The following ATP8A2 variants were observed in gnomAD, a reference collection of about 807,000 sequenced individuals.
ATP8A2 encodes phospholipid-transporting ATPase IB.
A neutral mutation model predicts 165.6 loss-of-function variants in ATP8A2; 100 were observed. The observed-to-expected ratio is 0.60, with a 90% confidence interval of 0.51 to 0.71. The LOEUF (loss-of-function observed/expected upper bound fraction) is 0.71. ATP8A2 is among the 30% of genes least tolerant of loss of function. The probability of loss-of-function intolerance (pLI) is 0.00; values close to 1 mark genes in which losing one functional copy is unlikely to be tolerated. For synonymous variants in ATP8A2, 543 were observed against 548.8 expected, an observed-to-expected ratio of 0.99 and a Z score of 0.15; for missense variants, 1,227 against 1,479.5, an observed-to-expected ratio of 0.83 and a Z score of 2.80.
intron 1 of ATP8A2, among the ~76,000 whole-genome samples, chr13:25,398,744 C>T (rs1924774): frequency 0.84 from 127,636 of 152,116 alleles, 53,734 homozygotes; most frequent in East Asian, 0.96. Context: ...GAATTATTTC[C>T]AATACAACAT....
chr13:25,829,668 G>GTATGTATGTATATA (rs1951406164), intron 28 of ATP8A2, among the ~76,000 whole-genome samples: 12 of 63,422 alleles, frequency 1.9e-4, no homozygotes, highest in African/African-American at 6.8e-4. Context: ...GACAGGTGTG[G>GTATGTATGTATATA]TATATATATA....
chr13:25,818,461 C>T (rs1480457451), intron 27 of ATP8A2, among the ~76,000 whole-genome samples: 2 of 152,138 alleles, frequency 1.3e-5, no homozygotes, highest in Non-Finnish European at 2.9e-5. Flanking sequence ...GACTGCTAGT[C>T]GCTGCAGTCT....
At chr13:25,678,789 A>G (rs947341307) in intron 24 of ATP8A2, among the ~76,000 whole-genome samples, 4 of 152,156 alleles carry the variant, frequency 2.6e-5, no homozygotes, top group African/African-American at 9.7e-5. Context: ...GTTCACCTCT[A>G]AGGCTTCCTC....
rs150171898 is a variant in ATP8A2, at chr13:25,884,853, T to C, written c.3183+22445T>C. On this transcript the variant is annotated intron_variant, in intron 33 of 36. Coordinates refer to ENST00000381655, the MANE Select transcript of ATP8A2 (RefSeq NM_016529.6). ...CCTCCCACGAGCCATCCCAGATCCC[T>C]GGGGCCCTTCTGCATCACCTCTGAC... 9.0e-4 allele frequency among the ~76,000 whole-genome samples: 137 copies of C among 152,292 alleles called. 1 individual carries two copies. The highest frequency in any genetic ancestry group is 2.8e-3 in the African/African-American group (117 of 41,576).
intron 11 of ATP8A2, 128 bp downstream of exon 11, chr13:25,551,631 G>A (rs1339072703): frequency 6.4e-6 from 5 of 782,486 alleles, no homozygotes; most frequent in Non-Finnish European, 9.8e-6. Context: ...CATAATGCCA[G>A]CCTTTCAAGG....
intron 2 of ATP8A2, among the ~76,000 whole-genome samples, chr13:25,503,451 G>T (rs946686775): frequency 6.6e-6 from 1 of 152,124 alleles, no homozygotes; most frequent in African/African-American, 2.4e-5. Context: ...GTTGTGCTGA[G>T]ATGGGAATTT....
At chr13:25,590,091 T>C (rs2040029510) in intron 24 of ATP8A2, among the ~76,000 whole-genome samples, 1 of 152,248 alleles carries the variant, frequency 6.6e-6, no homozygotes, top group South Asian at 2.1e-4. Context: ...GCACAAACTT[T>C]AGAATAAAAC....
At chr13:25,373,802 A>G (rs1260978957) in intron 1 of ATP8A2, among the ~76,000 whole-genome samples, 1 of 152,140 alleles carries the variant, frequency 6.6e-6, no homozygotes, top group African/African-American at 2.4e-5. Flanking sequence ...AGAGAGCTGG[A>G]TTTATGAGTC....
chr13:25,702,804 A>G (rs1052356238), intron 25 of ATP8A2, among the ~76,000 whole-genome samples: 1 of 152,114 alleles, frequency 6.6e-6, no homozygotes, highest in Non-Finnish European at 1.5e-5. Context: ...TCCTTTCAGC[A>G]TCTGGTGTTG....
intron 1 of ATP8A2, among the ~76,000 whole-genome samples, chr13:25,380,393 T>C (rs1452961271): frequency 1.3e-5 from 2 of 152,074 alleles, no homozygotes; most frequent in African/African-American, 4.8e-5. Flanking sequence ...CGCAGTAGAG[T>C]GGCCACTAGC....
At chr13:25,889,477 A>G (rs183550419) in intron 33 of ATP8A2, among the ~76,000 whole-genome samples, 37 of 152,160 alleles carry the variant, frequency 2.4e-4, no homozygotes, top group Admixed American at 1.1e-3. Flanking sequence ...TCATAACCCT[A>G]TTCACACTTG....
rs547825193 is a variant in ATP8A2 at position 25,942,800 on chromosome 13, C to G, written c.3184-18775C>G. 9.7e-4 allele frequency among the ~76,000 whole-genome samples: 148 copies of G among 152,344 alleles called. 4 individuals are homozygous for G. The South Asian group carries it at 0.03, about 30-fold the overall frequency. ...CTAATCAAGGTCATAAAGATGTTCTCCTATGTTTTCTTCTAAAAATGTTGA... is the reference window on the plus strand; with the variant it reads ...CTAATCAAGGTCATAAAGATGTTCTGCTATGTTTTCTTCTAAAAATGTTGA... On this transcript the variant is annotated intron_variant, in intron 33 of 36. Coordinates refer to ENST00000381655, the MANE Select transcript of ATP8A2 (RefSeq NM_016529.6).
At chr13:25,739,276 T>C (rs1459332640) in intron 25 of ATP8A2, among the ~76,000 whole-genome samples, 3 of 152,216 alleles carry the variant, frequency 2.0e-5, no homozygotes, top group Non-Finnish European at 4.4e-5. Context: ...TGTCTGCTCA[T>C]CAGGGGCTTT....
At chr13:25,837,422 AC>A (rs1331300977) in intron 29 of ATP8A2, 137 bp downstream of exon 29, 24 of 400,074 alleles carry the variant, frequency 6.0e-5, no homozygotes, top group Middle Eastern at 7.1e-4. Context: ...TCACCCCACC[AC>A]CACACACACA....
chr13:25,956,037 C>T (rs911443515), intron 33 of ATP8A2, among the ~76,000 whole-genome samples: 13 of 152,180 alleles, frequency 8.5e-5, no homozygotes, highest in African/African-American at 3.1e-4. Context: ...ATGAGTATCT[C>T]ACTAGATGCA....
intron 29 of ATP8A2, 139 bp downstream of exon 29, chr13:25,837,424 CACACACACACA>C: frequency 1.1e-3 from 2 of 1,822 alleles, no homozygotes; most frequent in Non-Finnish European, 1.3e-3. Flanking sequence ...ACCCCACCAC[CACACACACACA>C]CACACACACA....
At chr13:25,492,053 C>A (rs2036543611) in intron 2 of ATP8A2, among the ~76,000 whole-genome samples, 3 of 152,164 alleles carry the variant, frequency 2.0e-5, no homozygotes, top group South Asian at 4.1e-4. Context: ...TGATTAGATG[C>A]AGTTTTATTT....
intron 24 of ATP8A2, among the ~76,000 whole-genome samples, chr13:25,682,289 C>T (rs188550813): frequency 2.6e-5 from 4 of 152,246 alleles, no homozygotes; most frequent in Admixed American, 2.0e-4. Context: ...GTGCCTCCCC[C>T]CTCCTCTGCA....
At chr13:25,745,351 C>T (rs763520195) in intron 25 of ATP8A2, among the ~76,000 whole-genome samples, 2 of 152,132 alleles carry the variant, frequency 1.3e-5, no homozygotes, top group Admixed American at 6.6e-5. Flanking sequence ...AAGCCCCATG[C>T]GTTATGCCGT....
Sources: gnomAD v4.1 joint callset for allele counts (sites outside exome capture counted in the v4.1 genomes callset) on GRCh38, gnomAD v4.1.1 for gene constraint, MANE v1.5 for transcripts, NCBI Gene and HGNC (gene_info 2026-07-23, HGNC 2026-07-21) for gene names.